IGF2R: variants seen among roughly 807,000 people sequenced by gnomAD.
IGF2R encodes the protein insulin like growth factor 2 receptor.
IGF2R carries 91 observed loss-of-function variants against 270.6 expected under a neutral mutation model. The ratio of observed to expected loss-of-function variants is 0.34; its 90% confidence interval spans 0.28 to 0.40. IGF2R has a LOEUF of 0.40. Ranked by LOEUF, IGF2R falls within the 10% of genes least tolerant of loss-of-function variation. The pLI, the probability that IGF2R is intolerant of heterozygous loss-of-function variation, is 1.00. For missense variants in IGF2R, 2,805 were observed against 3,188.3 expected (o/e 0.88, Z 2.90); for synonymous variants, 1,316 against 1,258.9 (o/e 1.05, Z -0.96).
intron 1 of IGF2R, among the ~76,000 whole-genome samples, chr6:159,969,733 C>G (rs978556351): frequency 2.0e-5 from 3 of 152,094 alleles, no homozygotes; most frequent in Non-Finnish European, 2.9e-5. Context: ...GCCGGGCGTC[C>G]GGGAAAGTTG....
At chr6:160,065,561 A>G (rs1312222301) in intron 29 of IGF2R, among the ~76,000 whole-genome samples, 1 of 152,046 alleles carries the variant, frequency 6.6e-6, no homozygotes, top group Non-Finnish European at 1.5e-5. Flanking sequence ...TAATTTTAGT[A>G]ACCTTACCTT....
chr6:160,035,027 G>A (rs1048188369), intron 10 of IGF2R, among the ~76,000 whole-genome samples: 4 of 152,214 alleles, frequency 2.6e-5, no homozygotes, highest in Non-Finnish European at 5.9e-5. Context: ...GTAATGAGAA[G>A]CACCCTTGAG....
At chr6:159,987,422 C>G (rs1179867002) in intron 1 of IGF2R, among the ~76,000 whole-genome samples, 2 of 152,180 alleles carry the variant, frequency 1.3e-5, no homozygotes, top group Admixed American at 6.5e-5. Flanking sequence ...GACAGAGTCT[C>G]GCTGTGTTGC....
At chr6:160,076,521 A>G (rs1323969889) in intron 36 of IGF2R, among the ~76,000 whole-genome samples, 1 of 152,228 alleles carries the variant, frequency 6.6e-6, no homozygotes, top group East Asian at 1.9e-4. Context: ...GGTATTGGTT[A>G]TAGTCTTTGA....
rs201793317 is a variant in IGF2R at position 160,048,502 on chromosome 6, C to A, written c.2473C>A (p.Arg825=). ...RPLNPVPGCN[R]YASACQMKYE... is the part of the protein sequence containing the mutation. ...TCTGAATCCAGTGCCGGGCTGCAAC[C>A]GATATGCATCGGCTTGCCAGATGAA... is the stretch of plus-strand genomic sequence containing the variant. The change falls in exon 18 of 48, where the codon CGA becomes AGA. Residue 825 remains arginine, a synonymous_variant. Coordinates refer to ENST00000356956, the MANE Select transcript of IGF2R (RefSeq NM_000876.4). The A allele has an allele frequency of 1.2e-6, 2 of 1,613,988 alleles. No individual in the cohort carries two copies. Among genetic ancestry groups the A allele is most frequent in the Non-Finnish European group, 1.7e-6 (2 of 1,180,028 alleles).
At position 159,991,405 on chromosome 6, in the gene IGF2R, T is replaced by C. The variant is rs1783977834; in HGVS notation, c.289+82T>C. On this transcript the variant is annotated intron_variant, in intron 2 of 47. Coordinates refer to ENST00000356956, the MANE Select transcript of IGF2R (RefSeq NM_000876.4). ...AAATGACTGTGTATAGCTATACGTATATAGCGATACAAAAATTTTGAATGT... is the reference window on the plus strand; with the variant it reads ...AAATGACTGTGTATAGCTATACGTACATAGCGATACAAAAATTTTGAATGT... The C allele has an allele frequency of 3.5e-6, 4 of 1,158,348 alleles. No homozygotes were observed. In the East Asian group the frequency reaches 9.6e-5, roughly 28 times the overall value. 71.8% of individuals were successfully genotyped at this position (1,158,348 alleles called of 1,614,324 possible). A position where few individuals can be genotyped will look rare whatever the true frequency, so the allele number is the denominator to read the frequency against.
rs188519930 is a variant in IGF2R, at chr6:160,041,424, T to G, written c.1480+700T>G. 7.2e-4 allele frequency among the ~76,000 whole-genome samples: 107 copies of G among 149,434 alleles called. 2 individuals are homozygous for G. The highest frequency in any genetic ancestry group is 2.4e-3 in the African/African-American group (96 of 40,562). ...GTATGTTCTCGCTCGTAAGTGGGAG[T>G]TGAACATTGAGAACACATGGGCACA... On this transcript the variant is annotated intron_variant, in intron 11 of 47. Transcript: ENST00000356956.
chr6:160,097,743 G>C (rs1431685616), intron 45 of IGF2R, among the ~76,000 whole-genome samples: 1 of 152,196 alleles, frequency 6.6e-6, no homozygotes, highest in Non-Finnish European at 1.5e-5. Context: ...AGGGACCGTA[G>C]AGTCAGCAGA....
At chr6:159,982,538 A>G (rs187116963) in intron 1 of IGF2R, among the ~76,000 whole-genome samples, 145 of 152,328 alleles carry the variant, frequency 9.5e-4, no homozygotes, top group African/African-American at 3.1e-3. Context: ...AATTTCACTT[A>G]TGTGTCACCA....
intron 35 of IGF2R, among the ~76,000 whole-genome samples, chr6:160,074,954 G>A (rs1214247921): frequency 1.3e-5 from 2 of 152,198 alleles, no homozygotes; most frequent in African/African-American, 4.8e-5. Flanking sequence ...GGGAATCATT[G>A]CCTGGCCACC....
At chr6:160,064,310 C>T in intron 27 of IGF2R, 91 bp from the exon 28 acceptor site, 1 of 1,437,464 alleles carries the variant, frequency 7.0e-7, no homozygotes, top group Non-Finnish European at 9.8e-7. Flanking sequence ...GTCTCACACT[C>T]TTCAGGGTGT....
chr6:160,051,360 G>C (rs1455741210), intron 19 of IGF2R, among the ~76,000 whole-genome samples: 1 of 152,204 alleles, frequency 6.6e-6, no homozygotes, highest in African/African-American at 2.4e-5. Flanking sequence ...GTCTTCTTTT[G>C]TGGGATAGAT....
At position 160,105,020 on chromosome 6, in the gene IGF2R, CAGTG is replaced by C. The variant is rs1299356436; in HGVS notation, c.7415_7418del (p.Val2472AlafsTer64). On this transcript the variant is annotated frameshift_variant, in exon 48 of 48. Coordinates refer to ENST00000356956, the MANE Select transcript of IGF2R (RefSeq NM_000876.4). LOFTEE classifies it high-confidence loss of function. ...AAGTCCAGCTCTGCACAGCAGAAGA[CAGTG>C]AGCTCCACCAAGCTGGTGTCCTTCC... 1.2e-6 allele frequency: 2 copies of C among 1,612,854 alleles called. No individual in the cohort carries two copies. Among genetic ancestry groups the C allele is most frequent in the Admixed American group, 1.7e-5 (1 of 59,912 alleles).
intron 1 of IGF2R, among the ~76,000 whole-genome samples, chr6:159,987,376 T>C (rs981417088): frequency 2.0e-5 from 3 of 152,234 alleles, no homozygotes; most frequent in Admixed American, 6.5e-5. Flanking sequence ...CTCCTGTTGA[T>C]ACTAGGGGCT....
In IGF2R at chr6:160,024,567, TC is replaced by T. The variant is rs1777512846; in HGVS notation, c.514-3del. 6.2e-7 allele frequency: 1 copy of T among 1,613,876 alleles called. No homozygotes were observed. On this transcript the variant is annotated splice_region_variant and splice_polypyrimidine_tract_variant and intron_variant, in intron 4 of 47. Transcript: ENST00000356956. ...AAGACTCACTTTTTTCTTCCTCCCTTCCAGGTGCCATGCTATGTGTTTGATG... is the reference window on the plus strand; with the variant it reads ...AAGACTCACTTTTTTCTTCCTCCCTTCAGGTGCCATGCTATGTGTTTGATG...
chr6:160,048,289 C>A, intron 17 of IGF2R, 86 bp from the exon 18 acceptor site: 1 of 1,308,362 alleles, frequency 7.6e-7, no homozygotes, highest in Non-Finnish European at 1.1e-6. Flanking sequence ...TATTTGGTAG[C>A]TTTACTTCCC....
At chr6:160,064,704 T>G in intron 28 of IGF2R, 100 bp from the exon 29 acceptor site, 1 of 1,110,514 alleles carries the variant, frequency 9.0e-7, no homozygotes, top group South Asian at 1.4e-5. Context: ...TTGATTTTCA[T>G]GAACGTAACC....
chr6:160,034,342 T>G (rs1163778064), intron 9 of IGF2R, 77 bp from the exon 10 acceptor site: 2 of 905,490 alleles, frequency 2.2e-6, no homozygotes, highest in Non-Finnish European at 1.8e-6. Flanking sequence ...AAAGGCTTAA[T>G]GTAGACATTT....
chr6:160,028,048 A>G (rs527957354), intron 6 of IGF2R, among the ~76,000 whole-genome samples: 5 of 152,294 alleles, frequency 3.3e-5, no homozygotes, highest in South Asian at 2.1e-4. Context: ...GGAATTTTCT[A>G]TGTGTGTGTC....
Sources: allele counts gnomAD v4.1 joint callset (sites outside exome capture counted in the v4.1 genomes callset), GRCh38; gene constraint gnomAD v4.1.1; transcripts MANE v1.5; gene names NCBI Gene and HGNC (gene_info 2026-07-23, HGNC 2026-07-21).